The following GTF2IRD1 variants were observed in gnomAD, a reference collection of about 807,000 sequenced individuals.
The protein encoded by GTF2IRD1 is GTF2I repeat domain containing 1.
GTF2IRD1 carries 26 observed loss-of-function variants against 113.2 expected under a neutral mutation model. The ratio of observed to expected loss-of-function variants is 0.23; its 90% CI spans 0.17 to 0.32. The LOEUF (loss-of-function observed/expected upper bound fraction) is 0.32. Among genes scored for constraint, GTF2IRD1 ranks in the 10% least tolerant of loss-of-function variants. GTF2IRD1 has a pLI of 1.00. For missense variants in GTF2IRD1, 864 were observed against 1,280.8 expected, an observed-to-expected ratio of 0.67 and a Z score of 4.97; for synonymous variants, 484 against 529.1, an observed-to-expected ratio of 0.91 and a Z score of 1.17.
At chr7:74,539,510 G>A (rs371181391) in intron 13 of GTF2IRD1, among the ~76,000 whole-genome samples, 16 of 152,232 alleles carry the variant, frequency 1.1e-4, no homozygotes, top group African/African-American at 3.1e-4. Context: ...TTGGGAGGCC[G>A]AGGCGGGCAC....
At chr7:74,601,235 T>C in intron 26 of GTF2IRD1, 55 bp downstream of exon 26, 4 of 1,552,524 alleles carry the variant, frequency 2.6e-6, no homozygotes, top group Non-Finnish European at 3.5e-6. Flanking sequence ...CTCACCCCTC[T>C]GTCTGGCAGG....
At chr7:74,461,060 A>G (rs1050382573) in intron 1 of GTF2IRD1, among the ~76,000 whole-genome samples, 4 of 152,178 alleles carry the variant, frequency 2.6e-5, no homozygotes, top group African/African-American at 4.8e-5. Context: ...TGTAAAAGGG[A>G]GATGGCTCTC....
chr7:74,550,795 A>G (rs2130713832), intron 17 of GTF2IRD1, among the ~76,000 whole-genome samples: 2 of 151,708 alleles, frequency 1.3e-5, no homozygotes, highest in South Asian at 4.2e-4. Flanking sequence ...TTGAGAGGAC[A>G]AAACAGGAGG....
chr7:74,461,265 A>G (rs1342103412), intron 1 of GTF2IRD1, among the ~76,000 whole-genome samples: 1 of 152,112 alleles, frequency 6.6e-6, no homozygotes, highest in Non-Finnish European at 1.5e-5. Context: ...TGGGGAGGGT[A>G]GGTAAGCAGG....
chr7:74,471,683 AAAAAAACAAAAAAAAAAAC>A (rs1259411574), intron 1 of GTF2IRD1, among the ~76,000 whole-genome samples: 132 of 71,164 alleles, frequency 1.9e-3, no homozygotes, highest in Middle Eastern at 6.3e-3. Context: ...AAAAAAAAAA[AAAAAAACAAAAAAAAAAAC>A]AAAAAAAACG....
intron 22 of GTF2IRD1, among the ~76,000 whole-genome samples, chr7:74,576,681 C>T (rs1389742407): frequency 1.8e-5 from 2 of 112,548 alleles, no homozygotes; most frequent in Non-Finnish European, 3.3e-5. Flanking sequence ...AGTGCAGTGG[C>T]GCGATCTCAG....
chr7:74,492,960 C>T (rs1554337122), intron 1 of GTF2IRD1, among the ~76,000 whole-genome samples: 1 of 152,044 alleles, frequency 6.6e-6, no homozygotes, highest in African/African-American at 2.4e-5. Context: ...GTTTGTAGAG[C>T]TGGGGTCTTG....
chr7:74,542,906 G>A (rs1401630271), intron 14 of GTF2IRD1, among the ~76,000 whole-genome samples: 1 of 152,226 alleles, frequency 6.6e-6, no homozygotes, highest in Non-Finnish European at 1.5e-5. Context: ...CAGAACACAG[G>A]CTCAGCAAGG....
At chr7:74,508,463 C>T (rs1346354135) in intron 2 of GTF2IRD1, among the ~76,000 whole-genome samples, 14 of 151,992 alleles carry the variant, frequency 9.2e-5, no homozygotes, top group African/African-American at 3.1e-4. Flanking sequence ...AGGCCGGGGT[C>T]GGTGGATCAC....
chr7:74,583,151 C>T (rs1348243493), intron 22 of GTF2IRD1, among the ~76,000 whole-genome samples: 4 of 152,022 alleles, frequency 2.6e-5, no homozygotes, highest in South Asian at 2.1e-4. Flanking sequence ...AGTGTCTGCA[C>T]GTAGTATGTG....
At chr7:74,563,018 CTT>C (rs1213458087) in intron 22 of GTF2IRD1, among the ~76,000 whole-genome samples, 74 of 152,278 alleles carry the variant, frequency 4.9e-4, no homozygotes, top group African/African-American at 1.6e-3. Flanking sequence ...GTGGCAGAAA[CTT>C]TATCTGAGTC....
chr7:74,478,617 A>G (rs1794565179), intron 1 of GTF2IRD1, among the ~76,000 whole-genome samples: 1 of 151,404 alleles, frequency 6.6e-6, no homozygotes, highest in African/African-American at 2.4e-5. Flanking sequence ...CACCACGCCC[A>G]ACTAATTTTT....
At chr7:74,547,755 CTTTTTT>C (rs587743253) in intron 17 of GTF2IRD1, among the ~76,000 whole-genome samples, 7 of 114,238 alleles carry the variant, frequency 6.1e-5, no homozygotes, top group African/African-American at 1.3e-4. Context: ...TTCTCTCTCT[CTTTTTT>C]TTTTTTTTTT....
intron 8 of GTF2IRD1, among the ~76,000 whole-genome samples, chr7:74,525,722 A>G (rs1430181254): frequency 1.3e-5 from 2 of 152,016 alleles, no homozygotes; most frequent in African/African-American, 4.8e-5. Flanking sequence ...ACGCCACTGC[A>G]CTCCAGCCTG....
intron 22 of GTF2IRD1, among the ~76,000 whole-genome samples, chr7:74,562,824 C>T (rs1271202823): frequency 2.6e-5 from 4 of 152,080 alleles, no homozygotes; most frequent in Non-Finnish European, 5.9e-5. Flanking sequence ...TCAAGTGATC[C>T]GCCCATCTTG....
intron 23 of GTF2IRD1, among the ~76,000 whole-genome samples, chr7:74,590,508 C>T (rs782475947): frequency 1.3e-5 from 2 of 152,198 alleles, no homozygotes; most frequent in Non-Finnish European, 2.9e-5. Context: ...CCTGCCTCAG[C>T]CTCACGAGTA....
At chr7:74,529,654 G>A (rs1797841367) in intron 8 of GTF2IRD1, 80 bp from the exon 9 acceptor site, 1 of 1,221,404 alleles carries the variant, frequency 8.2e-7, no homozygotes, top group Non-Finnish European at 1.2e-6. Flanking sequence ...GGTGGGAGGT[G>A]ATGGGGACCG....
chr7:74,515,402 G>A (rs782673228), intron 3 of GTF2IRD1, 39 bp from the exon 4 acceptor site: 42 of 1,553,194 alleles, frequency 2.7e-5, no homozygotes, highest in African/African-American at 4.1e-5. Context: ...GTGGTGAGAC[G>A]GGTGCTCACT....
intron 22 of GTF2IRD1, among the ~76,000 whole-genome samples, chr7:74,589,508 G>A (rs1554368784): frequency 6.6e-5 from 10 of 151,890 alleles, no homozygotes. Context: ...ACCAGCCTGG[G>A]CAACATGGTG....
Sources: allele counts gnomAD v4.1 joint callset (sites outside exome capture counted in the v4.1 genomes callset), GRCh38; gene constraint gnomAD v4.1.1; transcripts MANE v1.5; gene names NCBI Gene and HGNC (gene_info 2026-07-23, HGNC 2026-07-21).